Variants in ADAMTSL1 observed in about 807,000 individuals in gnomAD.
ADAMTSL1 encodes ADAMTS like 1, also known as ADAMTS-like protein 1.
A neutral mutation model predicts 201.8 loss-of-function variants in ADAMTSL1; 126 were observed. The observed-to-expected ratio is 0.62, with a 90% CI of 0.54 to 0.72. The LOEUF is 0.72. Among genes scored for constraint, ADAMTSL1 ranks in the 30% least tolerant of loss-of-function variants. The pLI, the probability that ADAMTSL1 is intolerant of heterozygous loss-of-function variation, is 0.00. For missense variants in ADAMTSL1, 2,679 were observed against 2,277.8 expected, an observed-to-expected ratio of 1.18 and a Z score of -3.59; for synonymous variants, 1,121 against 903.4, an observed-to-expected ratio of 1.24 and a Z score of -4.32.
intron 1 of ADAMTSL1, among the ~76,000 whole-genome samples, chr9:17,971,899 ACTCT>A (rs1279778692): frequency 6.6e-6 from 1 of 151,316 alleles, no homozygotes; most frequent in Non-Finnish European, 1.5e-5. Flanking sequence ...ACTAGGTAAG[ACTCT>A]CTCCCTATAT....
chr9:18,553,210 C>CTTTTTTTTTTTT (rs35874115), intron 3 of ADAMTSL1, among the ~76,000 whole-genome samples: 2 of 135,872 alleles, frequency 1.5e-5, no homozygotes, highest in Non-Finnish European at 3.2e-5. Flanking sequence ...TAGTCCCAGT[C>CTTTTTTTTTTTT]TTTTTTTTTT....
intron 15 of ADAMTSL1, among the ~76,000 whole-genome samples, chr9:18,730,784 G>A (rs901250346): frequency 6.6e-5 from 10 of 152,190 alleles, no homozygotes; most frequent in Non-Finnish European, 1.0e-4. Context: ...ACAGACACAG[G>A]CCGTGGGCTG....
At chr9:18,841,489 T>TA (rs1373201428) in intron 23 of ADAMTSL1, among the ~76,000 whole-genome samples, 6 of 152,228 alleles carry the variant, frequency 3.9e-5, no homozygotes, top group Non-Finnish European at 1.5e-5. Flanking sequence ...GATATTGGTC[T>TA]AAAATTCTCT....
rs183827246 is a variant in ADAMTSL1, at chr9:18,044,873, T to C, written c.88-118989T>C. On this transcript the variant is annotated intron_variant, in intron 1 of 29. Transcript: ENST00000680146. ...TCTGCGAAGTATGGCTCTCTGGCTC[T>C]CCTGTACTATGCAATATTAGAGAGT... is the stretch of plus-strand genomic sequence containing the variant. 3.9e-5 allele frequency among the ~76,000 whole-genome samples: 6 copies of C among 152,340 alleles called. No individual in the cohort carries two copies. In the East Asian group the frequency reaches 1.2e-3, roughly 29 times the overall value.
intron 1 of ADAMTSL1, among the ~76,000 whole-genome samples, chr9:18,498,767 G>A (rs747183760): frequency 6.6e-6 from 1 of 152,144 alleles, no homozygotes; most frequent in East Asian, 1.9e-4. Flanking sequence ...GCATGATACA[G>A]GTTGTTCAAC....
chr9:18,433,239 A>G (rs1020355011), intron 2 of ADAMTSL1, among the ~76,000 whole-genome samples: 2 of 152,118 alleles, frequency 1.3e-5, no homozygotes, highest in East Asian at 3.9e-4. Context: ...GGAGAGTTTT[A>G]ATGACAGTAC....
At chr9:17,986,181 G>A (rs73418812) in intron 1 of ADAMTSL1, among the ~76,000 whole-genome samples, 20,455 of 151,990 alleles carry the variant, frequency 0.13, 1,578 homozygotes, top group African/African-American at 0.2. Context: ...CAAGGGGTAT[G>A]CTTTAAGGAA....
chr9:18,633,605 C>G (rs575131553), intron 5 of ADAMTSL1, among the ~76,000 whole-genome samples: 2 of 148,318 alleles, frequency 1.3e-5, no homozygotes, highest in East Asian at 4.1e-4. Context: ...AAAAAACAAA[C>G]AAACCAAAGA....
In ADAMTSL1 at chr9:18,905,767, T is replaced by C; in HGVS notation, c.4852-15T>C. ...TTGGCTAATGTGCGGTATGTTACCT[T>C]TTTCTGCTTTCCAGTGCAATGGGCC... On this transcript the variant is annotated splice_polypyrimidine_tract_variant and intron_variant, in intron 26 of 28. Transcript: ENST00000380548. 6.2e-7 allele frequency: 1 copy of C among 1,606,238 alleles called. No homozygotes were observed. The highest frequency in any genetic ancestry group is 1.3e-5 in the African/African-American group (1 of 74,906).
chr9:17,948,830 G>A (rs766069728), intron 1 of ADAMTSL1, among the ~76,000 whole-genome samples: 1 of 152,214 alleles, frequency 6.6e-6, no homozygotes, highest in Non-Finnish European at 1.5e-5. Context: ...AGGATGCCAG[G>A]ACTATAAGTG....
At chr9:18,467,545 A>G (rs985219711) in intron 2 of ADAMTSL1, among the ~76,000 whole-genome samples, 6 of 152,246 alleles carry the variant, frequency 3.9e-5, no homozygotes, top group Admixed American at 6.5e-5. Flanking sequence ...TATATTGAAA[A>G]TATTATTCCA....
At chr9:17,973,009 T>C (rs1176471379) in intron 1 of ADAMTSL1, among the ~76,000 whole-genome samples, 2 of 127,568 alleles carry the variant, frequency 1.6e-5, no homozygotes, top group Non-Finnish European at 3.5e-5. Context: ...TTTGATGGGG[T>C]TGTTTGTTTT....
At chr9:18,412,495 T>C (rs79068609) in intron 2 of ADAMTSL1, among the ~76,000 whole-genome samples, 2,012 of 152,332 alleles carry the variant, frequency 0.013, 42 homozygotes, top group African/African-American at 0.046. Flanking sequence ...AACATTTCCT[T>C]GTCAACTTTT....
intron 25 of ADAMTSL1, chr9:18,890,624 A>T (rs1829191324): frequency 1.3e-5 from 6 of 455,692 alleles, no homozygotes; most frequent in Admixed American, 7.1e-5. Context: ...TAATATCAGC[A>T]GTTTGACTTG....
chr9:18,409,383 C>CAAAAAAAAAAAAAAA (rs781106126), intron 2 of ADAMTSL1, among the ~76,000 whole-genome samples: 17 of 77,206 alleles, frequency 2.2e-4, no homozygotes, highest in South Asian at 4.7e-4. Flanking sequence ...AACTCCGTCT[C>CAAAAAAAAAAAAAAA]AAAAAAAAAA....
chr9:18,645,023 A>T (rs1587782002), intron 7 of ADAMTSL1, among the ~76,000 whole-genome samples: 1 of 152,122 alleles, frequency 6.6e-6, no homozygotes, highest in Non-Finnish European at 1.5e-5. Context: ...AAGTGTTTCT[A>T]TTTCTCCACA....
chr9:18,435,137 T>C (rs1489886291), intron 2 of ADAMTSL1, among the ~76,000 whole-genome samples: 5 of 152,242 alleles, frequency 3.3e-5, no homozygotes, highest in South Asian at 2.1e-4. Context: ...GTAATTCTTT[T>C]CAAGAATCAT....
At chr9:18,807,857 T>C (rs1046826350) in intron 20 of ADAMTSL1, among the ~76,000 whole-genome samples, 3 of 152,220 alleles carry the variant, frequency 2.0e-5, no homozygotes, top group East Asian at 1.9e-4. Flanking sequence ...TCTGCATCTA[T>C]GTTTTTTTCT....
At chr9:18,805,915 C>A (rs1288522230) in intron 20 of ADAMTSL1, among the ~76,000 whole-genome samples, 1 of 152,192 alleles carries the variant, frequency 6.6e-6, no homozygotes, top group Non-Finnish European at 1.5e-5. Flanking sequence ...TCTGTTGTTG[C>A]CCCGTTTCCA....
Sources: gnomAD v4.1 joint callset for allele counts (sites outside exome capture counted in the v4.1 genomes callset) on GRCh38, gnomAD v4.1.1 for gene constraint, MANE v1.5 for transcripts, NCBI Gene and HGNC (gene_info 2026-07-23, HGNC 2026-07-21) for gene names.